Variants in VPS13B observed in about 807,000 individuals in gnomAD.
VPS13B encodes the protein vacuolar protein sorting 13 homolog B, also known as intermembrane lipid transfer protein VPS13B.
A neutral mutation model predicts 426.4 loss-of-function variants in VPS13B; 285 were observed. The ratio of observed to expected loss-of-function variants is 0.67; its 90% confidence interval spans 0.61 to 0.74. The LOEUF (loss-of-function observed/expected upper bound fraction) is 0.74, where lower values mean the gene tolerates loss of function less well. VPS13B is among the 30% of genes least tolerant of loss of function. VPS13B has a pLI of 0.00. For synonymous variants in VPS13B, 1,676 were observed against 1,676.4 expected (o/e 1.00, Z 0.01); for missense variants, 4,537 against 4,782.6 (o/e 0.95, Z 1.51).
At chr8:99,469,984 C>G (rs1819314223) in intron 24 of VPS13B, among the ~76,000 whole-genome samples, 1 of 152,066 alleles carries the variant, frequency 6.6e-6, no homozygotes, top group Non-Finnish European at 1.5e-5. Context: ...GGCAGAGAGC[C>G]AAGGAAGGAT....
rs534420322 is a variant in VPS13B, at chr8:99,416,667, G to A, written c.3083-14870G>A. Among the ~76,000 whole-genome samples, 448 of 152,272 alleles carry A rather than the reference G, an allele frequency of 2.9e-3. 3 individuals are homozygous for A. The highest frequency in any genetic ancestry group is 5.3e-3 in the Non-Finnish European group (360 of 68,024). On this transcript the variant is annotated intron_variant, in intron 21 of 61. Transcript: ENST00000357162. ...TCCCTCATGGCTTCCCTTGGTTAGGGGAGGGCATTCCCTGACCCTTTGTGC... is the reference window on the plus strand; with the variant it reads ...TCCCTCATGGCTTCCCTTGGTTAGGAGAGGGCATTCCCTGACCCTTTGTGC...
At chr8:99,662,411 T>C (rs1222090373) in intron 35 of VPS13B, among the ~76,000 whole-genome samples, 1 of 151,998 alleles carries the variant, frequency 6.6e-6, no homozygotes, top group Non-Finnish European at 1.5e-5. Context: ...GGAATGAGTA[T>C]TAGTTTCTTC....
At chr8:99,081,532 G>A (rs956669520) in intron 3 of VPS13B, among the ~76,000 whole-genome samples, 7 of 150,350 alleles carry the variant, frequency 4.7e-5, no homozygotes, top group Admixed American at 2.7e-4. Flanking sequence ...CCATTAACTC[G>A]TCATTTAACA....
chr8:99,096,622 G>T (rs575662526), intron 4 of VPS13B, among the ~76,000 whole-genome samples, 190 bp downstream of exon 4: 3 of 152,092 alleles, frequency 2.0e-5, no homozygotes, highest in Admixed American at 6.5e-5. Context: ...CGGGTGTGGT[G>T]GTGTGCACCT....
At chr8:99,840,269 C>T (rs914501832) in intron 54 of VPS13B, among the ~76,000 whole-genome samples, 3 of 152,204 alleles carry the variant, frequency 2.0e-5, no homozygotes, top group African/African-American at 7.2e-5. Context: ...CAACCACATC[C>T]CCCAGGTCTT....
intron 39 of VPS13B, among the ~76,000 whole-genome samples, chr8:99,757,437 T>C (rs1810695978): frequency 6.6e-6 from 1 of 152,192 alleles, no homozygotes; most frequent in African/African-American, 2.4e-5. Flanking sequence ...TATGCACATA[T>C]ATACAGCAAA....
intron 17 of VPS13B, among the ~76,000 whole-genome samples, chr8:99,241,676 C>T (rs568067974): frequency 6.6e-6 from 1 of 152,154 alleles, no homozygotes; most frequent in South Asian, 2.1e-4. Context: ...GTGGAAAAGC[C>T]AGTTATTCAA....
At chr8:99,874,470 TA>T (rs1817592151) in intron 61 of VPS13B, among the ~76,000 whole-genome samples, 1 of 152,196 alleles carries the variant, frequency 6.6e-6, no homozygotes, top group African/African-American at 2.4e-5. Context: ...GACACTTTGA[TA>T]GCATTGTTAC....
At chr8:99,437,860 A>G (rs1279517388) in intron 22 of VPS13B, among the ~76,000 whole-genome samples, 1 of 152,176 alleles carries the variant, frequency 6.6e-6, no homozygotes, top group Non-Finnish European at 1.5e-5. Context: ...TTTATTCCAG[A>G]AGCACATAAT....
At chr8:99,656,619 T>G (rs1277712776) in intron 34 of VPS13B, among the ~76,000 whole-genome samples, 1 of 152,252 alleles carries the variant, frequency 6.6e-6, no homozygotes, top group Non-Finnish European at 1.5e-5. Flanking sequence ...ACAGGAAGAC[T>G]AGGAGTCATG....
intron 54 of VPS13B, among the ~76,000 whole-genome samples, chr8:99,841,637 C>T (rs1672013211): frequency 6.6e-6 from 1 of 152,204 alleles, no homozygotes; most frequent in African/African-American, 2.4e-5. Flanking sequence ...AAACCTGGGA[C>T]TGTGTGGTTT....
intron 35 of VPS13B, among the ~76,000 whole-genome samples, chr8:99,677,333 GTT>G (rs1830980055): frequency 6.6e-6 from 1 of 152,092 alleles, no homozygotes. Flanking sequence ...ATGTAAACTA[GTT>G]AATGAAACTG....
intron 16 of VPS13B, among the ~76,000 whole-genome samples, chr8:99,186,477 T>C (rs1267389919): frequency 1.3e-5 from 2 of 152,092 alleles, no homozygotes; most frequent in Non-Finnish European, 2.9e-5. Context: ...AATAGATACA[T>C]TGAGTATTTG....
intron 21 of VPS13B, among the ~76,000 whole-genome samples, chr8:99,395,481 G>C (rs1415772657): frequency 6.6e-6 from 1 of 152,174 alleles, no homozygotes. Context: ...ATTCAGTGGA[G>C]ACCAGAAGGT....
chr8:99,709,722 G>A (rs980124805), intron 36 of VPS13B, among the ~76,000 whole-genome samples: 4 of 152,248 alleles, frequency 2.6e-5, no homozygotes, highest in African/African-American at 9.6e-5. Flanking sequence ...CCGTACGATT[G>A]GTCAAAGTGA....
intron 39 of VPS13B, among the ~76,000 whole-genome samples, chr8:99,747,312 G>A (rs1437069645): frequency 6.6e-6 from 1 of 151,850 alleles, no homozygotes; most frequent in African/African-American, 2.4e-5. Context: ...TTTAATTTTG[G>A]CTTTTAACCA....
chr8:99,045,720 G>T (rs1395911867), intron 3 of VPS13B, among the ~76,000 whole-genome samples: 1 of 152,162 alleles, frequency 6.6e-6, no homozygotes, highest in Non-Finnish European at 1.5e-5. Context: ...GTTGATTTTT[G>T]TATAAGGTGA....
At chr8:99,055,417 T>A (rs536537393) in intron 3 of VPS13B, among the ~76,000 whole-genome samples, 2 of 152,186 alleles carry the variant, frequency 1.3e-5, no homozygotes, top group Non-Finnish European at 2.9e-5. Context: ...TTTTTCAGTT[T>A]GGTTCAAAAG....
intron 17 of VPS13B, among the ~76,000 whole-genome samples, chr8:99,237,921 A>T (rs1164108364): frequency 1.3e-5 from 2 of 150,420 alleles, no homozygotes; most frequent in African/African-American, 4.9e-5. Flanking sequence ...GAAACTCTTA[A>T]TGGCCTTCGT....
Sources: allele counts gnomAD v4.1 joint callset (sites outside exome capture counted in the v4.1 genomes callset), GRCh38; gene constraint gnomAD v4.1.1; transcripts MANE v1.5; gene names NCBI Gene and HGNC (gene_info 2026-07-23, HGNC 2026-07-21).